The following DMD variants were observed in gnomAD, a reference collection of about 807,000 sequenced individuals.
DMD encodes mutant dystrophin.
A neutral mutation model predicts 330.1 loss-of-function variants in DMD; 63 were observed. That is an observed-to-expected ratio of 0.19 (90% CI 0.16 to 0.24). The LOEUF (loss-of-function observed/expected upper bound fraction) is 0.24, where lower values mean the gene tolerates loss of function less well. Among genes scored for constraint, DMD ranks in the 10% least tolerant of loss-of-function variants. DMD has a pLI of 1.00. For synonymous variants in DMD, 1,223 were observed against 959.8 expected, an observed-to-expected ratio of 1.27 and a Z score of -5.07; for missense variants, 3,344 against 2,684.1, an observed-to-expected ratio of 1.25 and a Z score of -5.43.
Position 32,388,797 on chromosome X carries a change from T to C in DMD, c.4518+704A>G, listed in dbSNP as rs760560297. Among the ~76,000 whole-genome samples, 8 of 111,331 alleles carry C rather than the reference T, an allele frequency of 7.2e-5. No individual in the cohort carries two copies. In the South Asian group the frequency reaches 3.0e-3, roughly 42 times the overall value. On this transcript the variant is annotated intron_variant, in intron 32 of 78. Coordinates refer to ENST00000357033, the MANE Select transcript of DMD (RefSeq NM_004006.3). ...ATGTAGAGTTATAATAATACTTATG[T>C]TACTCGAGTAGATGCAATCATACCT...
intron 11 of DMD, among the ~76,000 whole-genome samples, chrX:32,628,877 G>C (rs1431835508): frequency 8.9e-6 from 1 of 111,829 alleles, no homozygotes; most frequent in Non-Finnish European, 1.9e-5. Context: ...GATCAGAAAA[G>C]CTAATTTATG....
At chrX:31,366,905 C>CT (rs1211516169) in intron 60 of DMD, among the ~76,000 whole-genome samples, 1 of 110,413 alleles carries the variant, frequency 9.1e-6, no homozygotes, top group Non-Finnish European at 1.9e-5. Flanking sequence ...GCATAAGTGC[C>CT]TTTTTTTCTC....
At chrX:31,446,292 C>T (rs955477772) in intron 59 of DMD, among the ~76,000 whole-genome samples, 18 of 111,998 alleles carry the variant, frequency 1.6e-4, no homozygotes, top group Non-Finnish European at 3.4e-4. Flanking sequence ...GTTAAGCAAT[C>T]AGGGGGTTTC....
At chrX:32,314,764 G>A (rs112096596) in intron 41 of DMD, among the ~76,000 whole-genome samples, 80 of 111,665 alleles carry the variant, frequency 7.2e-4, no homozygotes, top group African/African-American at 2.4e-3. Context: ...AGACATTTAC[G>A]CGGCCAACAA....
intron 7 of DMD, among the ~76,000 whole-genome samples, chrX:32,730,625 G>C (rs1203650501): frequency 8.9e-6 from 1 of 111,976 alleles, no homozygotes; most frequent in East Asian, 2.8e-4. Flanking sequence ...TAAAAGAAAG[G>C]ACAGGACTAG....
At chrX:32,407,206 A>G (rs1344428608) in intron 30 of DMD, among the ~76,000 whole-genome samples, 1 of 111,492 alleles carries the variant, frequency 9.0e-6, no homozygotes, top group Non-Finnish European at 1.9e-5. Context: ...GAATGGGAGA[A>G]GATTTTCGCA....
At chrX:32,570,346 T>C (rs1022192107) in intron 15 of DMD, among the ~76,000 whole-genome samples, 3 of 111,861 alleles carry the variant, frequency 2.7e-5, no homozygotes, top group Admixed American at 1.9e-4. Context: ...AGCTGTCAGG[T>C]TTTGTTAATT....
chrX:32,740,385 G>A (rs1276435262), intron 7 of DMD, among the ~76,000 whole-genome samples: 2 of 110,440 alleles, frequency 1.8e-5, no homozygotes, highest in African/African-American at 6.6e-5. Context: ...GAGAACATGT[G>A]TATCAACAGA....
At chrX:32,600,055 G>T (rs766558102) in intron 12 of DMD, among the ~76,000 whole-genome samples, 3 of 111,935 alleles carry the variant, frequency 2.7e-5, no homozygotes, top group Non-Finnish European at 5.6e-5. Flanking sequence ...AACAAAATTT[G>T]TTACTCCCTT....
At chrX:33,337,330 G>C (rs1398488599) in intron 1 of DMD, among the ~76,000 whole-genome samples, 1 of 110,960 alleles carries the variant, frequency 9.0e-6, no homozygotes, top group Non-Finnish European at 1.9e-5. Context: ...GGCCAAAGAG[G>C]GCTGTATTTT....
At chrX:33,180,456 T>C (rs2049932200) in intron 1 of DMD, among the ~76,000 whole-genome samples, 1 of 111,578 alleles carries the variant, frequency 9.0e-6, no homozygotes, top group South Asian at 3.8e-4. Flanking sequence ...TGCACACACA[T>C]ACACACAGAG....
intron 37 of DMD, among the ~76,000 whole-genome samples, chrX:32,352,533 G>A (rs2097785379): frequency 9.0e-6 from 1 of 110,699 alleles, no homozygotes; most frequent in African/African-American, 3.3e-5. Context: ...TTAACATGGA[G>A]TAGCCAAATT....
intron 2 of DMD, among the ~76,000 whole-genome samples, chrX:32,851,838 C>G (rs2081164561): frequency 9.0e-6 from 1 of 111,723 alleles, no homozygotes; most frequent in Admixed American, 9.5e-5. Context: ...TCATCAAGCG[C>G]ACATAGAGGG....
At chrX:31,367,484 T>C (rs756221938) in intron 60 of DMD, among the ~76,000 whole-genome samples, 2 of 111,586 alleles carry the variant, frequency 1.8e-5, no homozygotes, top group Non-Finnish European at 3.8e-5. Flanking sequence ...CCTGTTTTAA[T>C]GACTGTCCCT....
intron 4 of DMD, among the ~76,000 whole-genome samples, 165 bp downstream of exon 4, chrX:32,844,618 G>A (rs2080486020): frequency 9.0e-6 from 1 of 110,903 alleles, no homozygotes; most frequent in African/African-American, 3.3e-5. Context: ...AATTATATTA[G>A]CCACAATCAG....
intron 43 of DMD, among the ~76,000 whole-genome samples, chrX:32,257,656 A>T (rs1269721432): frequency 9.0e-6 from 1 of 111,702 alleles, no homozygotes; most frequent in Non-Finnish European, 1.9e-5. Flanking sequence ...CCCCTTATAC[A>T]AAAATCAACT....
chrX:32,236,461 A>G (rs2097188129), intron 43 of DMD, among the ~76,000 whole-genome samples: 1 of 112,045 alleles, frequency 8.9e-6, no homozygotes, highest in African/African-American at 3.2e-5. Flanking sequence ...CTCACTTAGT[A>G]CGATATGGTT....
chrX:32,643,336 C>A (rs756047345), intron 11 of DMD, among the ~76,000 whole-genome samples: 19 of 105,985 alleles, frequency 1.8e-4, no homozygotes, highest in African/African-American at 3.6e-4. Flanking sequence ...TTTCCTTGGT[C>A]CTTTTTTTTT....
intron 6 of DMD, among the ~76,000 whole-genome samples, chrX:32,812,032 A>T (rs2077403968): frequency 9.0e-6 from 1 of 111,489 alleles, no homozygotes; most frequent in African/African-American, 3.3e-5. Context: ...CTGAGTTTGC[A>T]TAAGGTGTTG....
Sources: gnomAD v4.1 joint callset for allele counts (sites outside exome capture counted in the v4.1 genomes callset) on GRCh38, gnomAD v4.1.1 for gene constraint, MANE v1.5 for transcripts, NCBI Gene and HGNC (gene_info 2026-07-23, HGNC 2026-07-21) for gene names.